CTNNA2: variants seen among roughly 807,000 people sequenced by gnomAD.
CTNNA2 encodes catenin alpha-2.
Under a neutral mutation model 101.0 loss-of-function variants are expected in CTNNA2, and 42 were observed. That is an observed-to-expected ratio of 0.42 (90% CI 0.32 to 0.54). The LOEUF is 0.54. Ranked by LOEUF, CTNNA2 falls within the 20% of genes least tolerant of loss-of-function variation. The pLI, the probability that CTNNA2 is intolerant of heterozygous loss-of-function variation, is 0.14. For synonymous variants in CTNNA2, 450 were observed against 456.4 expected, an observed-to-expected ratio of 0.99 and a Z score of 0.18; for missense variants, 871 against 1,223.1, an observed-to-expected ratio of 0.71 and a Z score of 4.29.
At chr2:79,699,266 T>C (rs1684835869) in intron 2 of CTNNA2, among the ~76,000 whole-genome samples, 1 of 152,084 alleles carries the variant, frequency 6.6e-6, no homozygotes, top group Non-Finnish European at 1.5e-5. Context: ...GGCTCTGCCA[T>C]TTACTTGCCC....
intron 3 of CTNNA2, among the ~76,000 whole-genome samples, chr2:79,819,276 G>A (rs988182409): frequency 6.6e-6 from 1 of 152,124 alleles, no homozygotes; most frequent in Non-Finnish European, 1.5e-5. Context: ...ACCATGCCCA[G>A]CCTTCTCCAT....
At chr2:79,589,178 C>G (rs902657976) in intron 1 of CTNNA2, among the ~76,000 whole-genome samples, 8 of 152,148 alleles carry the variant, frequency 5.3e-5, no homozygotes, top group African/African-American at 1.9e-4. Context: ...GGCCATTACC[C>G]TTTTCTTCTA....
intron 4 of CTNNA2, among the ~76,000 whole-genome samples, chr2:79,410,358 G>C (rs1438399255): frequency 4.1e-5 from 6 of 147,278 alleles, no homozygotes; most frequent in Non-Finnish European, 9.0e-5. Context: ...AGTGGTGAGA[G>C]AGGGCATCCC....
At chr2:79,369,540 C>T (rs1332236957) in intron 3 of CTNNA2, among the ~76,000 whole-genome samples, 1 of 152,144 alleles carries the variant, frequency 6.6e-6, no homozygotes, top group African/African-American at 2.4e-5. Context: ...TGTGGCTCCC[C>T]TGTGACAGGC....
chr2:79,211,514 AG>A (rs1170744376), intron 2 of CTNNA2, among the ~76,000 whole-genome samples: 3 of 152,092 alleles, frequency 2.0e-5, no homozygotes. Flanking sequence ...TTACAGTCAA[AG>A]GGGGGTTGTT....
At chr2:79,946,663 GACA>G (rs1186497101) in intron 7 of CTNNA2, among the ~76,000 whole-genome samples, 1 of 152,122 alleles carries the variant, frequency 6.6e-6, no homozygotes, top group Non-Finnish European at 1.5e-5. Context: ...TGTGTTATCA[GACA>G]ACAAGCTGAA....
chr2:79,504,752 A>C (rs1671375563), intron 4 of CTNNA2, among the ~76,000 whole-genome samples: 1 of 152,208 alleles, frequency 6.6e-6, no homozygotes, highest in South Asian at 2.1e-4. Flanking sequence ...GATCAGGAGA[A>C]ACATCATGTC....
At chr2:79,612,565 CTGAG>C (rs1449344664) in intron 1 of CTNNA2, among the ~76,000 whole-genome samples, 1 of 152,032 alleles carries the variant, frequency 6.6e-6, no homozygotes, top group Non-Finnish European at 1.5e-5. Context: ...TTTCTTTGGC[CTGAG>C]TGAGGATTTT....
intron 3 of CTNNA2, among the ~76,000 whole-genome samples, chr2:79,318,374 T>C (rs1009314345): frequency 6.6e-6 from 1 of 152,078 alleles, no homozygotes; most frequent in Non-Finnish European, 1.5e-5. Flanking sequence ...AAGAAAAAAA[T>C]ACATTTTATA....
chr2:79,232,940 TTGTTAATTCAGCTAACAGC>T (rs1398621637), intron 2 of CTNNA2, among the ~76,000 whole-genome samples: 2 of 152,178 alleles, frequency 1.3e-5, no homozygotes, highest in Admixed American at 1.3e-4. Context: ...ATCTTCTTAA[TTGTTAATTCAGCTAACAGC>T]TGTTAAATCA....
chr2:80,234,317 T>C (rs1437149668), intron 7 of CTNNA2, among the ~76,000 whole-genome samples: 1 of 152,160 alleles, frequency 6.6e-6, no homozygotes, highest in African/African-American at 2.4e-5. Context: ...CAGGTCTCAC[T>C]ATACTTTAAG....
chr2:79,792,136 G>A (rs964020126), intron 3 of CTNNA2, among the ~76,000 whole-genome samples: 4 of 152,086 alleles, frequency 2.6e-5, no homozygotes, highest in African/African-American at 9.7e-5. Context: ...TAGCCGTGTA[G>A]GTGACTGGTA....
At chr2:79,875,078 C>G (rs1330313423) in intron 6 of CTNNA2, among the ~76,000 whole-genome samples, 1 of 152,176 alleles carries the variant, frequency 6.6e-6, no homozygotes, top group Non-Finnish European at 1.5e-5. Flanking sequence ...AACAGACCCT[C>G]TGGGGAGAGC....
At chr2:79,832,874 TTG>T (rs1350056536) in intron 3 of CTNNA2, among the ~76,000 whole-genome samples, 3 of 152,226 alleles carry the variant, frequency 2.0e-5, no homozygotes, top group Non-Finnish European at 2.9e-5. Context: ...CCTTCGACCA[TTG>T]TGTTTTTACT....
chr2:80,033,926 G>A (rs549275702), intron 7 of CTNNA2, among the ~76,000 whole-genome samples: 7 of 143,704 alleles, frequency 4.9e-5, no homozygotes, highest in Admixed American at 2.9e-4. Flanking sequence ...TTGTTATCTT[G>A]AGCCACACAC....
chr2:80,589,117 C>G (rs779217890), intron 14 of CTNNA2, among the ~76,000 whole-genome samples, 187 bp from the exon 15 acceptor site: 1 of 152,004 alleles, frequency 6.6e-6, no homozygotes, highest in African/African-American at 2.4e-5. Context: ...GGGACGGGGA[C>G]TTTGGGGAGC....
Position 80,193,590 on chromosome 2 carries a change from T to A in CTNNA2, c.1057-199621T>A, listed in dbSNP as rs138436074. Among the ~76,000 whole-genome samples the A allele has an allele frequency of 3.7e-3, 556 of 152,292 alleles. 4 individuals carry two copies. The highest frequency in any genetic ancestry group is 0.012 in the African/African-American group (514 of 41,554). ...GATTCATAGATTTTCTGTCTGTAAA[T>A]CCCAGGCCAGCATCTCTGCTGGGCA... On this transcript the variant is annotated intron_variant, in intron 7 of 18. Transcript: ENST00000402739.
At chr2:80,495,629 G>A (rs1687390227) in intron 9 of CTNNA2, among the ~76,000 whole-genome samples, 1 of 152,140 alleles carries the variant, frequency 6.6e-6, no homozygotes, top group Non-Finnish European at 1.5e-5. Context: ...AGTATGGCTG[G>A]TGTCCTTATA....
intron 16 of CTNNA2, 131 bp from the exon 17 acceptor site, chr2:80,608,053 A>G: frequency 1.3e-6 from 1 of 792,572 alleles, no homozygotes; most frequent in Non-Finnish European, 1.8e-6. Flanking sequence ...TGCACTGTGA[A>G]AAAGTTAAGT....
Sources: allele counts gnomAD v4.1 joint callset (sites outside exome capture counted in the v4.1 genomes callset), GRCh38; gene constraint gnomAD v4.1.1; transcripts MANE v1.5; gene names NCBI Gene and HGNC (gene_info 2026-07-23, HGNC 2026-07-21).